Variants in TRAPPC9 observed in about 807,000 individuals in gnomAD.
The protein encoded by TRAPPC9 is trafficking protein particle complex subunit 9.
Under a neutral mutation model 124.0 loss-of-function variants are expected in TRAPPC9, and 83 were observed. The ratio of observed to expected loss-of-function variants is 0.67; its 90% confidence interval spans 0.56 to 0.80. The LOEUF (loss-of-function observed/expected upper bound fraction) is 0.80, where lower values mean the gene tolerates loss of function less well. Ranked by LOEUF, TRAPPC9 falls within the 30% of genes least tolerant of loss-of-function variation. The probability of loss-of-function intolerance (pLI) is 0.00; values close to 1 mark genes in which losing one functional copy is unlikely to be tolerated. For missense variants in TRAPPC9, 1,302 were observed against 1,508.3 expected, an observed-to-expected ratio of 0.86 and a Z score of 2.27; for synonymous variants, 638 against 617.5, an observed-to-expected ratio of 1.03 and a Z score of -0.49.
At chr8:140,062,125 T>G (rs1441543136) in intron 17 of TRAPPC9, among the ~76,000 whole-genome samples, 2 of 152,184 alleles carry the variant, frequency 1.3e-5, no homozygotes, top group African/African-American at 4.8e-5. Context: ...CCTGACCACC[T>G]GGGAGCCTGA....
At chr8:140,228,900 T>C (rs963925012) in intron 16 of TRAPPC9, among the ~76,000 whole-genome samples, 2 of 152,216 alleles carry the variant, frequency 1.3e-5, no homozygotes, top group African/African-American at 4.8e-5. Context: ...AGAGAGATTA[T>C]ATCCAAATGA....
At chr8:139,831,449 G>A (rs1825989644) in intron 21 of TRAPPC9, among the ~76,000 whole-genome samples, 1 of 152,118 alleles carries the variant, frequency 6.6e-6, no homozygotes, top group Non-Finnish European at 1.5e-5. Context: ...ATGCATGCAA[G>A]CACGCACACT....
intron 20 of TRAPPC9, among the ~76,000 whole-genome samples, chr8:139,892,146 GGCT>G (rs1830393394): frequency 6.6e-6 from 1 of 152,256 alleles, no homozygotes; most frequent in Non-Finnish European, 1.5e-5. Context: ...ACAAAGGCAA[GGCT>G]GCTAAGAAGC....
At chr8:139,815,955 C>T (rs1824801767) in intron 21 of TRAPPC9, among the ~76,000 whole-genome samples, 1 of 152,220 alleles carries the variant, frequency 6.6e-6, no homozygotes, top group African/African-American at 2.4e-5. Flanking sequence ...GTTAAGGAAC[C>T]TGCATGAGGG....
intron 21 of TRAPPC9, among the ~76,000 whole-genome samples, chr8:139,732,443 T>G (rs1429818379): frequency 6.6e-6 from 1 of 152,152 alleles, no homozygotes; most frequent in Non-Finnish European, 1.5e-5. Context: ...TGCACCCCAA[T>G]GGAGGGGCCT....
At chr8:140,127,665 A>G (rs2061123395) in intron 17 of TRAPPC9, among the ~76,000 whole-genome samples, 1 of 152,252 alleles carries the variant, frequency 6.6e-6, no homozygotes, top group Non-Finnish European at 1.5e-5. Flanking sequence ...CATATTCCAG[A>G]AATAATTTCA....
chr8:139,732,638 C>T (rs1048728021), intron 21 of TRAPPC9, among the ~76,000 whole-genome samples: 2 of 152,248 alleles, frequency 1.3e-5, no homozygotes, highest in Non-Finnish European at 2.9e-5. Context: ...CGAGGTCCCT[C>T]TCCTCCAGTG....
At chr8:139,948,683 T>C (rs564686013) in intron 19 of TRAPPC9, among the ~76,000 whole-genome samples, 10 of 152,322 alleles carry the variant, frequency 6.6e-5, no homozygotes, top group African/African-American at 1.9e-4. Context: ...GGCCACAGGA[T>C]TGGGGCTAGG....
At chr8:140,448,091 AGCCGAGACT>A (rs1313210550) in intron 2 of TRAPPC9, among the ~76,000 whole-genome samples, 1 of 149,286 alleles carries the variant, frequency 6.7e-6, no homozygotes, top group African/African-American at 2.5e-5. Flanking sequence ...GGTTGCAGTG[AGCCGAGACT>A]GCACCACCAC....
intron 21 of TRAPPC9, among the ~76,000 whole-genome samples, chr8:139,784,616 T>C (rs1254207386): frequency 1.4e-4 from 15 of 103,906 alleles, no homozygotes; most frequent in African/African-American, 3.4e-4. Context: ...GACATATATA[T>C]ATATATATAT....
chr8:140,131,894 G>T (rs982251634), intron 17 of TRAPPC9, among the ~76,000 whole-genome samples: 26 of 152,324 alleles, frequency 1.7e-4, no homozygotes, highest in Non-Finnish European at 1.8e-4. Context: ...TCCTAGAAGG[G>T]TTTGGAGTCA....
At chr8:140,036,672 A>C (rs7011785) in intron 17 of TRAPPC9, among the ~76,000 whole-genome samples, 12,861 of 152,086 alleles carry the variant, frequency 0.085, 1,281 homozygotes, top group African/African-American at 0.24. Flanking sequence ...AGTCGGGCTG[A>C]AGAGACGTGG....
chr8:139,994,202 G>A (rs942632207), intron 18 of TRAPPC9, among the ~76,000 whole-genome samples: 4 of 152,246 alleles, frequency 2.6e-5, no homozygotes, highest in African/African-American at 7.2e-5. Context: ...GGCAAAGTGG[G>A]GCAGCAGAGG....
chr8:139,996,294 C>G (rs908112731), intron 18 of TRAPPC9, among the ~76,000 whole-genome samples: 1 of 151,324 alleles, frequency 6.6e-6, no homozygotes. Context: ...TTACCATTGA[C>G]CACCCAGATC....
intron 21 of TRAPPC9, among the ~76,000 whole-genome samples, chr8:139,794,109 A>C (rs1822888601): frequency 6.8e-6 from 1 of 147,012 alleles, no homozygotes; most frequent in Non-Finnish European, 1.5e-5. Flanking sequence ...GCTGTTCTTC[A>C]TGGCTCTGAG....
At chr8:139,773,051 G>A (rs12681891) in intron 21 of TRAPPC9, among the ~76,000 whole-genome samples, 2,456 of 152,350 alleles carry the variant, frequency 0.016, 49 homozygotes, top group South Asian at 0.11. Context: ...ACCCCTCCAG[G>A]AGGCCCACAG....
chr8:139,765,081 T>C (rs1007538395), intron 21 of TRAPPC9, among the ~76,000 whole-genome samples: 1 of 152,208 alleles, frequency 6.6e-6, no homozygotes, highest in African/African-American at 2.4e-5. Context: ...CTTGGGTTCC[T>C]GCATGAGGAT....
At position 140,252,695 on chromosome 8, in the gene TRAPPC9, A is replaced by G; in HGVS notation, c.2431+82T>C. 1 of 1,536,750 alleles carries G rather than the reference A, an allele frequency of 6.5e-7. No individual in the cohort carries two copies. Among genetic ancestry groups the G allele is most frequent in the Non-Finnish European group, 8.9e-7 (1 of 1,121,310 alleles). ...GAATGACAAGTGAGTTACAAACAGCAAACAGCAGGCATCAAGGGATGGGGG... is the reference window on the plus strand; with the variant it reads ...GAATGACAAGTGAGTTACAAACAGCGAACAGCAGGCATCAAGGGATGGGGG... On this transcript the variant is annotated intron_variant, in intron 16 of 22. Transcript: ENST00000438773. This position sits in a 1 kb window ranked among gnomAD's most constrained non-coding sequence, Gnocchi z 4.2.
intron 17 of TRAPPC9, among the ~76,000 whole-genome samples, chr8:140,100,738 C>T (rs2060563484): frequency 1.3e-5 from 2 of 152,218 alleles, no homozygotes; most frequent in African/African-American, 4.8e-5. Flanking sequence ...CGTCTGCGAG[C>T]TGTGAAGCCT....
Sources: gnomAD v4.1 joint callset for allele counts (sites outside exome capture counted in the v4.1 genomes callset) on GRCh38, gnomAD v4.1.1 for gene constraint, Gnocchi (gnomAD v3.1) non-coding constraint, MANE v1.5 for transcripts, NCBI Gene and HGNC (gene_info 2026-07-23, HGNC 2026-07-21) for gene names.